Variants in RAD51C observed in about 807,000 individuals in gnomAD.
The protein encoded by RAD51C is DNA repair protein RAD51 homolog 3.
In RAD51C, 42 loss-of-function variants were observed where a neutral mutation model predicts 45.0. The ratio of observed to expected loss-of-function variants is 0.93; its 90% confidence interval spans 0.73 to 1.21. The LOEUF is 1.21. Among genes scored for constraint, RAD51C ranks in the 50% most tolerant of loss-of-function variants. RAD51C has a pLI of 0.00. For missense variants in RAD51C, 474 were observed against 452.2 expected (o/e 1.05, Z -0.44); for synonymous variants, 172 against 159.8 (o/e 1.08, Z -0.58).
intron 3 of RAD51C, among the ~76,000 whole-genome samples, chr17:58,698,038 G>A (rs181250936): frequency 8.7e-4 from 132 of 151,008 alleles, no homozygotes; most frequent in Non-Finnish European, 1.5e-3. Context: ...TTGAGACAGA[G>A]TCTTGCTCTG....
At chr17:58,706,116 G>A (rs1158196590) in intron 4 of RAD51C, 1 of 152,148 alleles carries the variant, frequency 6.6e-6, no homozygotes, top group Non-Finnish European at 1.5e-5. Flanking sequence ...AAATTTCATT[G>A]GACCATAAGG....
rs566395884 is a variant in RAD51C at position 58,734,542 on chromosome 17, A to G, written c.*320A>G. The G allele has an allele frequency of 1.7e-4, 56 of 330,522 alleles. No homozygotes were observed. Among genetic ancestry groups the G allele is most frequent in the African/African-American group, 1.1e-3 (49 of 45,720 alleles). The allele number at this position is 330,522 out of a possible 1,614,324, so 20.5% of individuals were successfully genotyped here. On this transcript the variant is annotated 3_prime_UTR_variant, in exon 9 of 9. Coordinates refer to ENST00000337432, the MANE Select transcript of RAD51C (RefSeq NM_058216.3). ...TACTGTTTTCACCCCTTTCTTTCCC[A>G]GTTGCCTATAAAATCTTAGGAAGAA...
chr17:58,730,370 G>A (rs1330438105), intron 7 of RAD51C, among the ~76,000 whole-genome samples: 1 of 150,918 alleles, frequency 6.6e-6, no homozygotes, highest in Non-Finnish European at 1.5e-5. Context: ...TAGAGATGGG[G>A]GTTTCACCGT....
chr17:58,695,271 A>G (rs2143730091), intron 2 of RAD51C, 82 bp downstream of exon 2: 1 of 1,497,802 alleles, frequency 6.7e-7, no homozygotes, highest in Non-Finnish European at 8.9e-7. Flanking sequence ...TCAGGAAACC[A>G]AATAAGATAT....
At chr17:58,696,292 G>T (rs1156983517) in intron 2 of RAD51C, among the ~76,000 whole-genome samples, 2 of 152,054 alleles carry the variant, frequency 1.3e-5, no homozygotes, top group Non-Finnish European at 2.9e-5. Flanking sequence ...AATTAGCCGG[G>T]CGTGGTGGCG....
intron 5 of RAD51C, among the ~76,000 whole-genome samples, chr17:58,712,880 T>TAATCCCA (rs2048608089): frequency 6.6e-6 from 1 of 152,054 alleles, no homozygotes; most frequent in East Asian, 1.9e-4. Flanking sequence ...CCCAGCACTT[T>TAATCCCA]GGGAGGCCAA....
intron 7 of RAD51C, among the ~76,000 whole-genome samples, chr17:58,730,014 T>C (rs1027184378): frequency 6.6e-6 from 1 of 152,216 alleles, no homozygotes; most frequent in Non-Finnish European, 1.5e-5. Context: ...TTCAGAAGGC[T>C]AGCTGATTTT....
At chr17:58,731,179 G>A (rs1321806618) in intron 7 of RAD51C, among the ~76,000 whole-genome samples, 1 of 151,734 alleles carries the variant, frequency 6.6e-6, no homozygotes, top group Non-Finnish European at 1.5e-5. Flanking sequence ...ATCTGTGGAT[G>A]CACACTTGGG....
At chr17:58,711,379 C>T (rs1165773952) in intron 5 of RAD51C, among the ~76,000 whole-genome samples, 1 of 152,012 alleles carries the variant, frequency 6.6e-6, no homozygotes, top group Non-Finnish European at 1.5e-5. Context: ...TTAATGTTAC[C>T]TCAGTTTAGA....
intron 6 of RAD51C, among the ~76,000 whole-genome samples, chr17:58,721,686 G>C (rs2048922588): frequency 6.6e-6 from 1 of 151,996 alleles, no homozygotes; most frequent in East Asian, 1.9e-4. Flanking sequence ...TTGAACCTGG[G>C]GGGCAGAGGT....
At chr17:58,721,910 AAAG>A in intron 6 of RAD51C, among the ~76,000 whole-genome samples, 1 of 152,218 alleles carries the variant, frequency 6.6e-6, no homozygotes, top group East Asian at 1.9e-4. Context: ...AGCAGGATGA[AAAG>A]GAGGAAGGTT....
At chr17:58,699,004 T>C (rs963186229) in intron 3 of RAD51C, among the ~76,000 whole-genome samples, 1 of 151,960 alleles carries the variant, frequency 6.6e-6, no homozygotes, top group Non-Finnish European at 1.5e-5. Flanking sequence ...TTGACTGTTT[T>C]CTTATTTATT....
intron 4 of RAD51C, chr17:58,706,461 T>C (rs1392391355): frequency 2.6e-6 from 1 of 380,288 alleles, no homozygotes; most frequent in Non-Finnish European, 5.5e-6. Context: ...AAAAGAATGA[T>C]CCTTTGCTTT....
chr17:58,698,166 C>T (rs1172017040), intron 3 of RAD51C, among the ~76,000 whole-genome samples: 1 of 150,494 alleles, frequency 6.6e-6, no homozygotes, highest in Non-Finnish European at 1.5e-5. Context: ...CATGTGTTAC[C>T]ATGCCCAGCT....
intron 4 of RAD51C, among the ~76,000 whole-genome samples, chr17:58,703,831 G>T (rs573664153): frequency 6.6e-6 from 1 of 150,998 alleles, no homozygotes; most frequent in African/African-American, 2.4e-5. Flanking sequence ...TGTAGCTGTA[G>T]TCTCAGCTAC....
intron 1 of RAD51C, chr17:58,694,178 AG>A (rs1350253378): frequency 1.3e-5 from 2 of 152,176 alleles, no homozygotes; most frequent in African/African-American, 2.4e-5. Flanking sequence ...TTCCATGAAA[AG>A]TTTTTATTAT....
chr17:58,706,011 G>A (rs188905925), intron 4 of RAD51C: 6 of 152,218 alleles, frequency 3.9e-5, no homozygotes, highest in East Asian at 3.9e-4. Flanking sequence ...AGCTGTGAAC[G>A]TTTGAAATCA....
At chr17:58,723,658 C>T (rs935995039) in intron 6 of RAD51C, among the ~76,000 whole-genome samples, 9 of 150,650 alleles carry the variant, frequency 6.0e-5, no homozygotes, top group Admixed American at 2.0e-4. Context: ...TAGTTCATTT[C>T]GATGACATGA....
intron 5 of RAD51C, among the ~76,000 whole-genome samples, chr17:58,715,960 C>T (rs2048717490): frequency 6.6e-6 from 1 of 151,956 alleles, no homozygotes; most frequent in African/African-American, 2.4e-5. Context: ...CAAAATTTAG[C>T]CAAGCGTGGT....
Sources: allele counts gnomAD v4.1 joint callset (sites outside exome capture counted in the v4.1 genomes callset), GRCh38; gene constraint gnomAD v4.1.1; transcripts MANE v1.5; gene names NCBI Gene and HGNC (gene_info 2026-07-23, HGNC 2026-07-21).